Variants in SOX5 observed in about 807,000 individuals in gnomAD.
SOX5 encodes transcription factor SOX-5.
Under a neutral mutation model 92.0 loss-of-function variants are expected in SOX5, and 9 were observed. The ratio of observed to expected loss-of-function variants is 0.10; its 90% CI spans 0.06 to 0.17. SOX5 has a LOEUF of 0.17. SOX5 is among the 10% of genes least tolerant of loss of function. SOX5 has a pLI of 1.00. For missense variants in SOX5, 642 were observed against 944.5 expected, an observed-to-expected ratio of 0.68 and a Z score of 4.20; for synonymous variants, 344 against 336.3, an observed-to-expected ratio of 1.02 and a Z score of -0.25.
At chr12:24,154,077 C>G (rs1951923071) in intron 4 of SOX5, among the ~76,000 whole-genome samples, 1 of 152,118 alleles carries the variant, frequency 6.6e-6, no homozygotes, top group African/African-American at 2.4e-5. Flanking sequence ...GTGCTTTCCT[C>G]TCTGCAAACA....
chr12:24,126,256 C>T (rs1949094897), intron 4 of SOX5, among the ~76,000 whole-genome samples: 2 of 152,118 alleles, frequency 1.3e-5, no homozygotes, highest in Admixed American at 1.3e-4. Context: ...TCCCTGTATC[C>T]TTATAGCATG....
intron 4 of SOX5, among the ~76,000 whole-genome samples, chr12:24,045,819 C>G (rs1269227964): frequency 1.3e-5 from 2 of 152,196 alleles, no homozygotes; most frequent in Non-Finnish European, 2.9e-5. Flanking sequence ...AGGATTCCCT[C>G]CTTGAACAAT....
chr12:24,561,580 A>C (rs1954346663), intron 1 of SOX5, among the ~76,000 whole-genome samples: 3 of 152,306 alleles, frequency 2.0e-5, no homozygotes, highest in East Asian at 3.9e-4. Flanking sequence ...ACCCGCGCTT[A>C]AAGTGACACA....
intron 1 of SOX5, among the ~76,000 whole-genome samples, chr12:24,412,309 C>T (rs1964251577): frequency 6.6e-6 from 1 of 151,046 alleles, no homozygotes; most frequent in Non-Finnish European, 1.5e-5. Context: ...AATATTATTT[C>T]CTTCCTTCTG....
intron 4 of SOX5, among the ~76,000 whole-genome samples, chr12:24,059,655 C>A (rs1209663299): frequency 1.3e-5 from 2 of 152,114 alleles, no homozygotes; most frequent in Non-Finnish European, 2.9e-5. Context: ...CCCCCTGCCC[C>A]AACCTCAAAC....
At chr12:24,472,335 C>T (rs1045710219) in intron 1 of SOX5, among the ~76,000 whole-genome samples, 1 of 152,160 alleles carries the variant, frequency 6.6e-6, no homozygotes, top group Non-Finnish European at 1.5e-5. Flanking sequence ...TTCATCTTTT[C>T]CCCTCACAAG....
intron 1 of SOX5, among the ~76,000 whole-genome samples, chr12:24,427,627 G>A (rs1289506859): frequency 1.3e-5 from 2 of 152,140 alleles, no homozygotes; most frequent in East Asian, 1.9e-4. Context: ...TCTATTTACA[G>A]CATTATCTAA....
chr12:24,353,196 G>A (rs1040868981), intron 2 of SOX5, among the ~76,000 whole-genome samples: 36 of 152,174 alleles, frequency 2.4e-4, no homozygotes, highest in Non-Finnish European at 4.1e-4. Context: ...CCAGGACGCT[G>A]TGTCAATGTG....
chr12:24,032,063 G>A (rs1283817133), intron 4 of SOX5, among the ~76,000 whole-genome samples: 2 of 151,814 alleles, frequency 1.3e-5, no homozygotes, highest in African/African-American at 2.4e-5. Flanking sequence ...TAATTAGAAT[G>A]GGGAAGAGGA....
intron 4 of SOX5, among the ~76,000 whole-genome samples, chr12:24,133,830 C>T (rs977752015): frequency 2.0e-5 from 3 of 152,198 alleles, no homozygotes; most frequent in African/African-American, 4.8e-5. Context: ...AAACAGACAG[C>T]CAGAGAAATG....
chr12:24,392,209 C>G (rs1959060976), intron 1 of SOX5, among the ~76,000 whole-genome samples: 1 of 152,158 alleles, frequency 6.6e-6, no homozygotes, highest in Admixed American at 6.5e-5. Flanking sequence ...GGTCTTTCCA[C>G]CTATCTCCCT....
At chr12:24,340,861 T>C (rs1952495006) in intron 2 of SOX5, among the ~76,000 whole-genome samples, 1 of 152,192 alleles carries the variant, frequency 6.6e-6, no homozygotes, top group Non-Finnish European at 1.5e-5. Context: ...TTTGTTGTTG[T>C]TGTTAGTTCA....
At chr12:23,574,209 T>C (rs60796908) in intron 10 of SOX5, among the ~76,000 whole-genome samples, 33,789 of 151,934 alleles carry the variant, frequency 0.22, 4,269 homozygotes, top group East Asian at 0.44. Flanking sequence ...CAGCCTTTTT[T>C]GGTGGACTTA....
chr12:23,874,028 T>G (rs543586888), intron 2 of SOX5, among the ~76,000 whole-genome samples: 1 of 152,326 alleles, frequency 6.6e-6, no homozygotes, highest in African/African-American at 2.4e-5. Context: ...ATATTGAACA[T>G]TAGGTGCTTC....
rs181862066 is a variant in SOX5 at position 23,839,426 on chromosome 12, G to C, written c.481+6557C>G. ...CAAAGCTGGTTCTTGGTAGACCTTAGCCCTGAACTCTAAAGGCATCTCAAA... is the reference window on the plus strand; with the variant it reads ...CAAAGCTGGTTCTTGGTAGACCTTACCCCTGAACTCTAAAGGCATCTCAAA... On this transcript the variant is annotated intron_variant, in intron 3 of 14. Coordinates refer to ENST00000451604, the MANE Select transcript of SOX5 (RefSeq NM_006940.6). 5.5e-3 allele frequency among the ~76,000 whole-genome samples: 841 copies of C among 152,162 alleles called. 3 individuals are homozygous for C. Among genetic ancestry groups the C allele is most frequent in the Non-Finnish European group, 8.6e-3 (583 of 67,994 alleles).
chr12:24,153,795 C>T (rs1951893085), intron 4 of SOX5, among the ~76,000 whole-genome samples: 1 of 152,130 alleles, frequency 6.6e-6, no homozygotes, highest in African/African-American at 2.4e-5. Flanking sequence ...GTGAAAAGTA[C>T]AACGAATTTT....
intron 4 of SOX5, among the ~76,000 whole-genome samples, chr12:24,143,054 A>G (rs531261260): frequency 3.3e-4 from 50 of 151,838 alleles, no homozygotes; most frequent in Non-Finnish European, 5.8e-4. Context: ...ATGCTGGAAA[A>G]ACAAACAATT....
chr12:23,608,129 A>AG (rs1383521241), intron 8 of SOX5, among the ~76,000 whole-genome samples: 2 of 149,594 alleles, frequency 1.3e-5, no homozygotes, highest in African/African-American at 2.5e-5. Context: ...AAAAAAAAAA[A>AG]AAAAAAAAAA....
At chr12:23,966,469 G>A (rs1400477691) in intron 4 of SOX5, among the ~76,000 whole-genome samples, 7 of 114,274 alleles carry the variant, frequency 6.1e-5, no homozygotes, top group Admixed American at 5.2e-4. Context: ...GAAATGCAAT[G>A]AAGAAAAATA....
Sources: allele counts gnomAD v4.1 joint callset (sites outside exome capture counted in the v4.1 genomes callset), GRCh38; gene constraint gnomAD v4.1.1; transcripts MANE v1.5; gene names NCBI Gene and HGNC (gene_info 2026-07-23, HGNC 2026-07-21).